Variants in LRRC31 observed in about 807,000 individuals in gnomAD.
The protein encoded by LRRC31 is leucine rich repeat containing 31, also known as leucine-rich repeat-containing protein 31.
A neutral mutation model predicts 46.7 loss-of-function variants in LRRC31; 35 were observed. That is an observed-to-expected ratio of 0.75 (90% CI 0.57 to 0.99). The LOEUF (loss-of-function observed/expected upper bound fraction) is 0.99, where lower values mean the gene tolerates loss of function less well. Ranked by LOEUF, LRRC31 falls within the 50% of genes least tolerant of loss-of-function variation. LRRC31 has a pLI of 0.00. For missense variants in LRRC31, 613 were observed against 626.1 expected, an observed-to-expected ratio of 0.98 and a Z score of 0.22; for synonymous variants, 236 against 235.1, an observed-to-expected ratio of 1.00 and a Z score of -0.03.
chr3:169,840,512 T>C (rs957902886), intron 8 of LRRC31, among the ~76,000 whole-genome samples, 199 bp from the exon 9 acceptor site: 1 of 152,226 alleles, frequency 6.6e-6, no homozygotes, highest in Non-Finnish European at 1.5e-5. Context: ...ACAGCTTTTT[T>C]TATTTCTTTT....
rs866175142 is a variant in LRRC31, at chr3:169,854,823, C to T, written c.981G>A (p.Val327=). The change falls in exon 6 of 9, where the codon GTG becomes GTA. Residue 327 remains valine (V), a synonymous_variant. Coordinates refer to ENST00000316428, the MANE Select transcript of LRRC31 (RefSeq NM_024727.4). The part of the protein sequence containing the change: ...LHQCSLTADD[V]MSLTQVIPLL... The stretch of plus-strand genomic sequence containing the variant: ...GCAATATATACTTACTCAGTGACAT[C>T]ACGTCATCTGCTGTTAGTGAGCACT... The T allele has an allele frequency of 1.2e-6, 2 of 1,611,274 alleles. No individual in the cohort carries two copies. Among genetic ancestry groups the T allele is most frequent in the South Asian group, 2.2e-5 (2 of 90,980 alleles).
intron 7 of LRRC31, 29 bp downstream of exon 7, chr3:169,851,590 T>G: frequency 6.2e-7 from 1 of 1,601,756 alleles, no homozygotes; most frequent in South Asian, 1.1e-5. Context: ...TATTGCATGG[T>G]TCCTGCAGGG....
chr3:169,856,353 T>C lies in LRRC31; in HGVS notation c.806A>G (p.Lys269Arg). Residue 269 changes from lysine to arginine, a missense_variant, in exon 5 of 9, where the codon AAG becomes AGG. Physicochemically the swap from Lys to Arg is conservative, Grantham distance 26 (BLOSUM62 2). Coordinates refer to ENST00000316428, the MANE Select transcript of LRRC31 (RefSeq NM_024727.4). ...LKLHSCGLSQ[K>R]SVKILDAAFR... Reference sequence around the variant, plus strand: ...TAACTCACCCAATATTTTGACACTCTTTTGTGATAATCCACATGAATGTAA... The same window carrying C: ...TAACTCACCCAATATTTTGACACTCCTTTGTGATAATCCACATGAATGTAA... The C allele has an allele frequency of 6.3e-7, 1 of 1,586,294 alleles. No homozygotes were observed. Among genetic ancestry groups the C allele is most frequent in the Non-Finnish European group, 8.6e-7 (1 of 1,166,324 alleles).
At position 169,840,103 on chromosome 3, in the gene LRRC31, G is replaced by A. The variant is rs187788865; in HGVS notation, c.1538C>T (p.Pro513Leu). The change falls in exon 9 of 9, where the codon CCT (proline) becomes CTT (leucine). Residue 513 changes from proline (P) to leucine (L), a missense_variant. Pro to Leu is a moderately conservative substitution (Grantham distance 98, BLOSUM62 -3). Transcript: ENST00000316428. The stretch of plus-strand genomic sequence containing the variant: ...TTTCATTCCTATCTCAGTGATCTGA[G>A]GAAGCTTGGTCACAGCATATAACAA... Reference protein sequence around the residue: ...RHLLYAVTKLPQITEIGMKRW... With the variant: ...RHLLYAVTKLLQITEIGMKRW... 1.4e-3 allele frequency: 2,278 copies of A among 1,614,110 alleles called. 3 individuals carry two copies. Among genetic ancestry groups the A allele is most frequent in the Admixed American group, 2.2e-3 (132 of 60,004 alleles).
intron 3 of LRRC31, among the ~76,000 whole-genome samples, chr3:169,857,537 G>A (rs1288344202): frequency 2.0e-5 from 3 of 150,682 alleles, no homozygotes; most frequent in South Asian, 4.2e-4. Flanking sequence ...GGGTAAAGGA[G>A]GGTGCAGTGA....
intron 1 of LRRC31, among the ~76,000 whole-genome samples, chr3:169,867,047 G>GTTTTTT (rs1560636105): frequency 3.5e-4 from 32 of 92,666 alleles, no homozygotes; most frequent in African/African-American, 1.5e-3. Flanking sequence ...GGTTTTTTTT[G>GTTTTTT]TTTGTTTGTT....
At chr3:169,866,859 G>T (rs1485392003) in intron 1 of LRRC31, among the ~76,000 whole-genome samples, 3 of 152,016 alleles carry the variant, frequency 2.0e-5, no homozygotes, top group Non-Finnish European at 4.4e-5. Flanking sequence ...CTACTTGGGA[G>T]GCTGAGACAA....
chr3:169,866,312 G>A (rs1781331479), intron 1 of LRRC31, among the ~76,000 whole-genome samples: 1 of 152,150 alleles, frequency 6.6e-6, no homozygotes, highest in Admixed American at 6.5e-5. Context: ...TTTAAGGACA[G>A]AATTAACATG....
At chr3:169,844,859 G>T (rs1307621485) in intron 8 of LRRC31, among the ~76,000 whole-genome samples, 1 of 150,262 alleles carries the variant, frequency 6.7e-6, no homozygotes, top group South Asian at 2.1e-4. Context: ...TTGAACCCAG[G>T]AGTCGGAAGT....
intron 1 of LRRC31, among the ~76,000 whole-genome samples, chr3:169,866,105 G>A (rs1201798553): frequency 6.6e-6 from 1 of 152,190 alleles, no homozygotes. Context: ...GAAACTCAGT[G>A]AAGGATTTTA....
chr3:169,839,699 A>T lies in LRRC31; in HGVS notation c.*283T>A, dbSNP rs1780387013. The T allele has an allele frequency of 6.5e-6, 1 of 153,708 alleles. No individual in the cohort carries two copies. The highest frequency in any genetic ancestry group is 2.1e-4 in the South Asian group (1 of 4,854). The allele number at this position is 153,708 out of a possible 1,614,324, so 9.5% of individuals were successfully genotyped here. ...ATATATCCAAAACAAATCCATTGAAAAATGCCATTTTTGTTTCATAGACAG... is the reference window on the plus strand; with the variant it reads ...ATATATCCAAAACAAATCCATTGAATAATGCCATTTTTGTTTCATAGACAG... On this transcript the variant is annotated 3_prime_UTR_variant, in exon 9 of 9. Coordinates refer to ENST00000316428, the MANE Select transcript of LRRC31 (RefSeq NM_024727.4).
At chr3:169,851,920 A>C (rs972012709) in intron 6 of LRRC31, 134 bp from the exon 7 acceptor site, 23 of 770,190 alleles carry the variant, frequency 3.0e-5, no homozygotes, top group East Asian at 1.6e-4. Context: ...TCCTTTATAC[A>C]CCCCAAACCA....
intron 4 of LRRC31, 68 bp from the exon 5 acceptor site, chr3:169,856,571 A>G: frequency 1.5e-6 from 2 of 1,325,234 alleles, no homozygotes; most frequent in African/African-American, 1.5e-5. Context: ...TCACCTGGGG[A>G]TATCGTGACG....
Position 169,856,497 on chromosome 3 carries a change from A to C in LRRC31, c.662T>G (p.Leu221Arg). ...TTCGAGACTTTGCAGCATAGGTAGCAGTTGACCTAGAAGGAAAGAAATCCA... is the reference window on the plus strand; with the variant it reads ...TTCGAGACTTTGCAGCATAGGTAGCCGTTGACCTAGAAGGAAAGAAATCCA... ...TSEDGTFLGQ[L>R]LPMLQSLEVL... Residue 221 changes from leucine to arginine, a missense_variant, in exon 5 of 9, where the codon CTG becomes CGG. By Grantham distance (102) the Leu-to-Arg change is moderately radical. Coordinates refer to ENST00000316428, the MANE Select transcript of LRRC31 (RefSeq NM_024727.4). The C allele has an allele frequency of 6.3e-7, 1 of 1,595,200 alleles. No homozygotes were observed. Among genetic ancestry groups the C allele is most frequent in the Non-Finnish European group, 8.5e-7 (1 of 1,171,978 alleles).
At chr3:169,861,333 C>G (rs1253165911) in intron 2 of LRRC31, among the ~76,000 whole-genome samples, 1 of 149,812 alleles carries the variant, frequency 6.7e-6, no homozygotes, top group African/African-American at 2.5e-5. Context: ...TCCCAAAGTG[C>G]TGGGATTACA....
chr3:169,844,847 G>A (rs755494197), intron 8 of LRRC31, among the ~76,000 whole-genome samples: 2 of 149,700 alleles, frequency 1.3e-5, no homozygotes, highest in East Asian at 2.0e-4. Context: ...CAGGAGAATC[G>A]CTTGAACCCA....
intron 3 of LRRC31, among the ~76,000 whole-genome samples, chr3:169,859,603 A>G (rs570232695): frequency 6.6e-5 from 10 of 152,260 alleles, no homozygotes; most frequent in Non-Finnish European, 1.3e-4. Context: ...CAGCAGTTGG[A>G]TAAGTAGAAT....
chr3:169,861,781 A>ATCTCCAT lies in LRRC31; in HGVS notation c.201_207dup (p.Ser70MetfsTer9). On this transcript the variant is annotated frameshift_variant, in exon 2 of 9. Transcript: ENST00000316428. LOFTEE classifies it high-confidence loss of function. ...AAATGCTCATTTTTCTCCATACTGG[A>ATCTCCAT]TCTCCATTCCATTTCTGAACTGAGA... 1 of 1,614,092 alleles carries ATCTCCAT rather than the reference A, an allele frequency of 6.2e-7. No individual in the cohort carries two copies. Among genetic ancestry groups the ATCTCCAT allele is most frequent in the South Asian group, 1.1e-5 (1 of 91,062 alleles).
Position 169,860,733 on chromosome 3 carries a change from A to C in LRRC31, c.320-5T>G. ...GGAGAAAAGGCAGCAAGGCAACTAG[A>C]AGTGAACAGAAGAAAATACAGATAT... On this transcript the variant is annotated splice_polypyrimidine_tract_variant and splice_region_variant and intron_variant, in intron 2 of 8. Transcript: ENST00000316428. 6.2e-7 allele frequency: 1 copy of C among 1,613,116 alleles called. No homozygotes were observed. The highest frequency in any genetic ancestry group is 1.3e-5 in the African/African-American group (1 of 75,028).
Sources: gnomAD v4.1 joint callset for allele counts (sites outside exome capture counted in the v4.1 genomes callset) on GRCh38, gnomAD v4.1.1 for gene constraint, MANE v1.5 for transcripts, NCBI Gene and HGNC (gene_info 2026-07-23, HGNC 2026-07-21) for gene names.